KATNIP: variants seen among roughly 807,000 people sequenced by gnomAD.
The protein encoded by KATNIP is katanin interacting protein.
A neutral mutation model predicts 174.0 loss-of-function variants in KATNIP; 126 were observed. That is an observed-to-expected ratio of 0.72 (90% CI 0.63 to 0.84). KATNIP has a LOEUF of 0.84. Ranked by LOEUF, KATNIP falls within the 40% of genes least tolerant of loss-of-function variation. The probability of loss-of-function intolerance (pLI) is 0.00; values close to 1 mark genes in which losing one functional copy is unlikely to be tolerated. For synonymous variants in KATNIP, 810 were observed against 835.7 expected, an observed-to-expected ratio of 0.97 and a Z score of 0.53; for missense variants, 1,958 against 2,109.7, an observed-to-expected ratio of 0.93 and a Z score of 1.41.
At chr16:27,679,346 G>C (rs2078240956) in intron 7 of KATNIP, among the ~76,000 whole-genome samples, 1 of 152,140 alleles carries the variant, frequency 6.6e-6, no homozygotes, top group Non-Finnish European at 1.5e-5. Context: ...CTTCTTAGGA[G>C]AAGTTATATT....
chr16:27,713,828 A>G (rs1190816395), intron 13 of KATNIP, among the ~76,000 whole-genome samples: 21 of 62,902 alleles, frequency 3.3e-4, no homozygotes, highest in African/African-American at 1.2e-3. Context: ...ATATATATAT[A>G]TATATATATA....
chr16:27,704,581 G>T lies in KATNIP; in HGVS notation c.1389+583G>T, dbSNP rs2079224822. Among the ~76,000 whole-genome samples the T allele has an allele frequency of 2.0e-5, 3 of 152,198 alleles. No individual in the cohort carries two copies. In the South Asian group the frequency reaches 6.2e-4, roughly 31 times the overall value. On this transcript the variant is annotated intron_variant, in intron 12 of 27. Transcript: ENST00000261588. Reference sequence around the variant, plus strand: ...GAAGATGTCTGTTATAGAATTATTGGAAGTAGGGAAGACATTTTTTTTTAA... The same window carrying T: ...GAAGATGTCTGTTATAGAATTATTGTAAGTAGGGAAGACATTTTTTTTTAA...
intron 19 of KATNIP, among the ~76,000 whole-genome samples, 187 bp downstream of exon 19, chr16:27,761,777 G>C (rs951579719): frequency 1.3e-5 from 2 of 152,194 alleles, no homozygotes; most frequent in African/African-American, 4.8e-5. Flanking sequence ...AGAGGTGGGA[G>C]GTGATTCTCC....
In KATNIP at chr16:27,618,408, C is replaced by G. The variant is rs748109593; in HGVS notation, c.64-17C>G. 4 of 1,595,964 alleles carry G rather than the reference C, an allele frequency of 2.5e-6. No individual in the cohort carries two copies. Among genetic ancestry groups the G allele is most frequent in the Non-Finnish European group, 3.4e-6 (4 of 1,163,658 alleles). On this transcript the variant is annotated splice_polypyrimidine_tract_variant and intron_variant, in intron 2 of 27. Transcript: ENST00000261588. ...CCCTGCATTCCGATATCACACTGCT[C>G]TGTTTCTTCATTTCAGGGTTACGCT...
At chr16:27,668,226 A>G (rs561576276) in intron 6 of KATNIP, among the ~76,000 whole-genome samples, 2 of 152,286 alleles carry the variant, frequency 1.3e-5, no homozygotes, top group East Asian at 1.9e-4. Context: ...AGAGTCTGAT[A>G]TGGTTTGGCT....
At chr16:27,751,978 T>C in intron 17 of KATNIP, 54 bp downstream of exon 17, 18 of 1,422,108 alleles carry the variant, frequency 1.3e-5, no homozygotes, top group Non-Finnish European at 1.7e-5. Context: ...TTTCTTCCCC[T>C]AACTCAGAGT....
chr16:27,554,970 T>G (rs1301407841), intron 1 of KATNIP, among the ~76,000 whole-genome samples: 2 of 151,842 alleles, frequency 1.3e-5, no homozygotes, highest in African/African-American at 4.8e-5. Flanking sequence ...ACTTTTTTGT[T>G]TTTTGTTAGT....
intron 5 of KATNIP, 108 bp downstream of exon 5, chr16:27,631,270 G>A: frequency 1.2e-6 from 1 of 841,348 alleles, no homozygotes; most frequent in Non-Finnish European, 1.9e-6. Context: ...CAGGCACAGT[G>A]GCTCCTTTAT....
intron 15 of KATNIP, among the ~76,000 whole-genome samples, chr16:27,744,045 C>T (rs2081198056): frequency 6.6e-6 from 1 of 152,212 alleles, no homozygotes; most frequent in Non-Finnish European, 1.5e-5. Flanking sequence ...CCTGAGATTT[C>T]ATGCTTGTTA....
At chr16:27,565,942 A>G (rs909675423) in intron 1 of KATNIP, among the ~76,000 whole-genome samples, 1 of 152,136 alleles carries the variant, frequency 6.6e-6, no homozygotes, top group Non-Finnish European at 1.5e-5. Context: ...TTTAAAAATT[A>G]GAAGACTGGA....
intron 2 of KATNIP, among the ~76,000 whole-genome samples, chr16:27,609,427 G>A (rs1322489129): frequency 1.1e-5 from 1 of 93,320 alleles, no homozygotes; most frequent in African/African-American, 4.3e-5. Flanking sequence ...GTCTCGCTTT[G>A]TTGCCCAGGC....
At chr16:27,661,929 T>C (rs1300106233) in intron 6 of KATNIP, among the ~76,000 whole-genome samples, 35 of 57,570 alleles carry the variant, frequency 6.1e-4, no homozygotes, top group East Asian at 3.4e-3. Context: ...TATATATATA[T>C]ATATATATAT....
chr16:27,600,773 A>G (rs1199561741), intron 2 of KATNIP, among the ~76,000 whole-genome samples: 1 of 146,312 alleles, frequency 6.8e-6, no homozygotes, highest in African/African-American at 2.6e-5. Flanking sequence ...CTTGTTTCCC[A>G]GGCAGGAGTG....
intron 3 of KATNIP, among the ~76,000 whole-genome samples, chr16:27,628,051 C>A (rs529217365): frequency 1.3e-5 from 2 of 152,194 alleles, no homozygotes; most frequent in Non-Finnish European, 2.9e-5. Context: ...CTTGAACCAA[C>A]GCCTGCATTG....
intron 6 of KATNIP, among the ~76,000 whole-genome samples, chr16:27,652,611 G>A (rs1432949792): frequency 1.3e-5 from 2 of 151,972 alleles, no homozygotes; most frequent in Non-Finnish European, 2.9e-5. Flanking sequence ...TCAGGGGTTC[G>A]AGACCAGCCT....
intron 8 of KATNIP, among the ~76,000 whole-genome samples, chr16:27,691,206 G>A (rs574714937): frequency 6.6e-6 from 1 of 152,264 alleles, no homozygotes; most frequent in East Asian, 1.9e-4. Context: ...TGAGCCGACC[G>A]GCAGCCTCGT....
chr16:27,671,544 A>G (rs2077903823), intron 6 of KATNIP, among the ~76,000 whole-genome samples: 1 of 152,222 alleles, frequency 6.6e-6, no homozygotes, highest in African/African-American at 2.4e-5. Context: ...ACATTCCTGG[A>G]AGGGCTAGGT....
chr16:27,698,306 T>G, intron 8 of KATNIP, 22 bp from the exon 9 acceptor site: 1 of 1,588,564 alleles, frequency 6.3e-7, no homozygotes, highest in South Asian at 1.1e-5. Context: ...TAAAAGAACG[T>G]CCCCCTGTCT....
chr16:27,773,248 G>C, intron 23 of KATNIP, 39 bp downstream of exon 23: 2 of 1,411,292 alleles, frequency 1.4e-6, no homozygotes, highest in Non-Finnish European at 2.0e-6. Context: ...CACCCAGACT[G>C]AAGGGAGCAT....
Sources: gnomAD v4.1 joint callset for allele counts (sites outside exome capture counted in the v4.1 genomes callset) on GRCh38, gnomAD v4.1.1 for gene constraint, MANE v1.5 for transcripts, NCBI Gene and HGNC (gene_info 2026-07-23, HGNC 2026-07-21) for gene names.